TNS3: variants seen among roughly 807,000 people sequenced by gnomAD.
TNS3 encodes tensin-3.
In TNS3, 45 loss-of-function variants were observed where a neutral mutation model predicts 140.9. That is an observed-to-expected ratio of 0.32 (90% CI 0.25 to 0.41). The LOEUF (loss-of-function observed/expected upper bound fraction) is 0.41. Ranked by LOEUF, TNS3 falls within the 10% of genes least tolerant of loss-of-function variation. The probability of loss-of-function intolerance (pLI) is 1.00; values close to 1 mark genes in which losing one functional copy is unlikely to be tolerated. For missense variants in TNS3, 1,716 were observed against 1,906.7 expected, an observed-to-expected ratio of 0.90 and a Z score of 1.86; for synonymous variants, 815 against 788.4, an observed-to-expected ratio of 1.03 and a Z score of -0.56.
At chr7:47,347,010 C>G (rs564146543) in intron 17 of TNS3, among the ~76,000 whole-genome samples, 4 of 152,114 alleles carry the variant, frequency 2.6e-5, no homozygotes, top group Non-Finnish European at 5.9e-5. Context: ...GGGGGTCGGG[C>G]TGGGATCTAA....
chr7:47,463,392 C>T (rs1796569500), intron 4 of TNS3, among the ~76,000 whole-genome samples: 1 of 152,072 alleles, frequency 6.6e-6, no homozygotes, highest in Admixed American at 6.5e-5. Context: ...TGCAGTGAAC[C>T]GAGATCATGC....
chr7:47,434,298 A>G (rs1052048284), intron 8 of TNS3, among the ~76,000 whole-genome samples: 2 of 142,098 alleles, frequency 1.4e-5, no homozygotes, highest in Admixed American at 7.7e-5. Context: ...TTAGTGTAAA[A>G]GAGTCCGGAA....
intron 1 of TNS3, among the ~76,000 whole-genome samples, chr7:47,548,182 G>T (rs1799971876): frequency 6.6e-6 from 1 of 152,168 alleles, no homozygotes; most frequent in African/African-American, 2.4e-5. Context: ...TTATAGGGGT[G>T]AGTCACCACC....
At chr7:47,393,197 A>G (rs1792629815) in intron 16 of TNS3, among the ~76,000 whole-genome samples, 1 of 152,254 alleles carries the variant, frequency 6.6e-6, no homozygotes, top group African/African-American at 2.4e-5. Flanking sequence ...CTTCATCTCT[A>G]GACAGTAAGA....
chr7:47,288,421 C>T (rs976166849), intron 27 of TNS3, among the ~76,000 whole-genome samples: 34 of 152,232 alleles, frequency 2.2e-4, no homozygotes, highest in Admixed American at 2.2e-3. Flanking sequence ...TTTAAAACCA[C>T]TAATTAAAGG....
intron 10 of TNS3, among the ~76,000 whole-genome samples, chr7:47,420,522 A>G (rs573948495): frequency 6.6e-6 from 1 of 152,264 alleles, no homozygotes; most frequent in South Asian, 2.1e-4. Flanking sequence ...AACTTCCTAA[A>G]CATACTGCAT....
chr7:47,533,123 A>ATATATATTTTT (rs1186427934), intron 1 of TNS3, among the ~76,000 whole-genome samples: 4 of 88,820 alleles, frequency 4.5e-5, no homozygotes, highest in African/African-American at 2.5e-4. Flanking sequence ...ATATATATAT[A>ATATATATTTTT]TTTTTTTTTT....
intron 20 of TNS3, among the ~76,000 whole-genome samples, chr7:47,310,661 A>G (rs1047602519): frequency 1.3e-5 from 2 of 152,252 alleles, no homozygotes; most frequent in Non-Finnish European, 2.9e-5. Context: ...TAAAAGCCAC[A>G]GATACTAACA....
intron 3 of TNS3, among the ~76,000 whole-genome samples, chr7:47,485,200 A>G (rs2941542): frequency 0.79 from 120,531 of 152,228 alleles, 47,983 homozygotes; most frequent in East Asian, 0.91. Flanking sequence ...AGGGGCGTGA[A>G]AGGATGAGAC....
chr7:47,541,880 C>T (rs1282258101), intron 1 of TNS3, among the ~76,000 whole-genome samples: 7 of 150,756 alleles, frequency 4.6e-5, no homozygotes, highest in Middle Eastern at 3.4e-3. Flanking sequence ...TCCTGAGAGA[C>T]GGAGCTTGCA....
chr7:47,422,632 GAAAAAA>G (rs557302027), intron 10 of TNS3, among the ~76,000 whole-genome samples: 13 of 118,268 alleles, frequency 1.1e-4, no homozygotes, highest in African/African-American at 4.0e-4. Flanking sequence ...AAAAAGAAAA[GAAAAAA>G]AAAATGAAGA....
chr7:47,544,691 G>T (rs773626071), intron 1 of TNS3, among the ~76,000 whole-genome samples: 10 of 151,976 alleles, frequency 6.6e-5, no homozygotes, highest in Non-Finnish European at 1.5e-4. Context: ...CAAGTCCCCA[G>T]GTCCAGCTTA....
intron 16 of TNS3, among the ~76,000 whole-genome samples, chr7:47,388,553 A>G (rs955936392): frequency 2.6e-5 from 4 of 152,206 alleles, no homozygotes; most frequent in African/African-American, 7.2e-5. Context: ...TAAGAAGCAC[A>G]GCTCCTCTGG....
At position 47,499,217 on chromosome 7, in the gene TNS3, C is replaced by T. The variant is rs555040101; in HGVS notation, c.-115+7690G>A. ...GGGCCACTTCCCAGACTCTGGGAGT[C>T]AGGAGTAATAGTTCCCAGTAGAAAA... On this transcript the variant is annotated intron_variant, in intron 3 of 30. Transcript: ENST00000311160. Among the ~76,000 whole-genome samples the T allele has an allele frequency of 2.6e-5, 4 of 152,250 alleles. No homozygotes were observed. The East Asian group carries it at 7.7e-4, about 29-fold the overall frequency.
At chr7:47,418,110 G>A (rs1447121451) in intron 10 of TNS3, among the ~76,000 whole-genome samples, 1 of 152,200 alleles carries the variant, frequency 6.6e-6, no homozygotes, top group African/African-American at 2.4e-5. Flanking sequence ...CCAACATGCT[G>A]AAATCCTGTC....
At chr7:47,389,434 C>T (rs1487312226) in intron 16 of TNS3, among the ~76,000 whole-genome samples, 1 of 152,202 alleles carries the variant, frequency 6.6e-6, no homozygotes, top group East Asian at 1.9e-4. Context: ...GGGGGTGATG[C>T]TACTTAACTA....
chr7:47,532,454 G>C (rs1423447254), intron 1 of TNS3, among the ~76,000 whole-genome samples: 2 of 152,178 alleles, frequency 1.3e-5, no homozygotes, highest in Admixed American at 6.5e-5. Context: ...CAGCTGCACA[G>C]AGGAGCTACC....
chr7:47,458,220 G>A (rs1796337734), intron 4 of TNS3, among the ~76,000 whole-genome samples: 1 of 152,180 alleles, frequency 6.6e-6, no homozygotes, highest in Non-Finnish European at 1.5e-5. Context: ...CGTCTGCCCA[G>A]GATGAGTGCT....
chr7:47,467,035 A>C (rs1421747280), intron 4 of TNS3, among the ~76,000 whole-genome samples: 1 of 152,226 alleles, frequency 6.6e-6, no homozygotes. Context: ...TGATGGTGTA[A>C]GTAGTACTTT....
Sources: allele counts gnomAD v4.1 joint callset (sites outside exome capture counted in the v4.1 genomes callset), GRCh38; gene constraint gnomAD v4.1.1; transcripts MANE v1.5; gene names NCBI Gene and HGNC (gene_info 2026-07-23, HGNC 2026-07-21).